Variants in SCNN1A observed in about 807,000 individuals in gnomAD.
SCNN1A encodes sodium channel epithelial 1 subunit alpha, also known as epithelial sodium channel subunit alpha.
Under a neutral mutation model 68.6 loss-of-function variants are expected in SCNN1A, and 65 were observed. The observed-to-expected ratio is 0.95, with a 90% CI of 0.78 to 1.16. SCNN1A has a LOEUF of 1.16. SCNN1A is among the 50% of genes most tolerant of loss of function. SCNN1A has a pLI of 0.00. For synonymous variants in SCNN1A, 357 were observed against 353.3 expected (o/e 1.01, Z -0.12); for missense variants, 880 against 865.9 (o/e 1.02, Z -0.20).
chr12:6,348,271 C>T lies in SCNN1A; in HGVS notation c.1630-18G>A. On this transcript the variant is annotated intron_variant, in intron 12 of 12. Coordinates refer to ENST00000228916, the MANE Select transcript of SCNN1A (RefSeq NM_001038.6). ...GTGACCATCTGTGAGAGGAGAGGTACATTGACGATGGGACAGAGGGTTCTG... is the reference window on the plus strand; with the variant it reads ...GTGACCATCTGTGAGAGGAGAGGTATATTGACGATGGGACAGAGGGTTCTG... The T allele has an allele frequency of 6.2e-7, 1 of 1,613,816 alleles. No homozygotes were observed. The highest frequency in any genetic ancestry group is 8.5e-7 in the Non-Finnish European group (1 of 1,179,960).
chr12:6,375,966 G>A, upstream of SCNN1A: 1 of 1,030,128 alleles, frequency 9.7e-7, no homozygotes, highest in Non-Finnish European at 1.2e-6. Flanking sequence ...GTAGAGGCAG[G>A]TGGGGGGCAG....
intron 1 of SCNN1A, chr12:6,375,082 C>T (rs1247832543): frequency 2.0e-6 from 3 of 1,520,112 alleles, no homozygotes; most frequent in African/African-American, 1.4e-5. Context: ...AACGGCCTCT[C>T]CTCTGCTTCC....
upstream of SCNN1A, chr12:6,376,290 G>A (rs1346964034): frequency 1.8e-6 from 1 of 563,594 alleles, no homozygotes; most frequent in African/African-American, 2.0e-5. Flanking sequence ...GAGGGGCCCA[G>A]GTGAAGCTGG....
chr12:6,363,395 A>G (rs1948614869), intron 3 of SCNN1A, 48 bp downstream of exon 3: 7 of 1,451,888 alleles, frequency 4.8e-6, no homozygotes, highest in Non-Finnish European at 6.4e-6. Context: ...GGGCGGGGCC[A>G]GGGGCCGGCG....
rs755217190 is a variant in SCNN1A at position 6,355,857 on chromosome 12, G to A, written c.899C>T (p.Pro300Leu). Residue 300 changes from proline to leucine, a missense_variant, in exon 5 of 13, where the codon CCG becomes CTG. Pro to Leu is a moderately conservative substitution (Grantham distance 98). Transcript: ENST00000228916. Reference protein sequence around the residue: ...NQANYSHFHHPMYGNCYTFND... With the variant: ...NQANYSHFHHLMYGNCYTFND... The stretch of plus-strand genomic sequence containing the variant: ...GAAAGTATAGCAGTTTCCATACATC[G>A]GGTGGTGGAAGTGAGAGTAATTCCT... 52 of 1,611,952 alleles carry A rather than the reference G, an allele frequency of 3.2e-5. No homozygotes were observed. Among genetic ancestry groups the A allele is most frequent in the South Asian group, 1.6e-4 (15 of 91,034 alleles).
intron 4 of SCNN1A, among the ~76,000 whole-genome samples, chr12:6,358,985 C>A (rs1335023920): frequency 1.3e-5 from 2 of 151,928 alleles, no homozygotes; most frequent in Non-Finnish European, 2.9e-5. Flanking sequence ...ATGAAAGAGG[C>A]CACTCACAAA....
At position 6,348,489 on chromosome 12, in the gene SCNN1A, C is replaced by A. The variant is rs117001960; in HGVS notation, c.1630-236G>T. 2.4e-3 allele frequency among the ~76,000 whole-genome samples: 355 copies of A among 148,032 alleles called. 4 individuals carry two copies. Among genetic ancestry groups the A allele is most frequent in the Middle Eastern group, 6.8e-3 (2 of 294 alleles). On this transcript the variant is annotated intron_variant, in intron 12 of 12. Coordinates refer to ENST00000228916, the MANE Select transcript of SCNN1A (RefSeq NM_001038.6). ...AGCTGAAATGGGGGCATGGGTCAAG[C>A]GCCTTCACCCCAGCATCTAGCATGC...
At chr12:6,375,749 G>T, upstream of SCNN1A, 1 of 1,412,112 alleles carries the variant, frequency 7.1e-7, no homozygotes, top group Non-Finnish European at 9.2e-7. Context: ...GGAGGCTGGG[G>T]GACAGGATGG....
chr12:6,349,257 A>C (rs1241394759), intron 9 of SCNN1A, 36 bp from the exon 10 acceptor site: 1 of 1,613,772 alleles, frequency 6.2e-7, no homozygotes, highest in Non-Finnish European at 8.5e-7. Flanking sequence ...GTTGGGGCAG[A>C]GCTCTCCCAA....
rs932140772 is a variant in SCNN1A, at chr12:6,374,307, A to G, written c.416+61T>C. 29 of 1,575,906 alleles carry G rather than the reference A, an allele frequency of 1.8e-5. No individual in the cohort carries two copies. Among genetic ancestry groups the G allele is most frequent in the Non-Finnish European group, 2.4e-5 (28 of 1,154,058 alleles). The stretch of plus-strand genomic sequence containing the variant: ...GCTCTGCCTGCCCAGTGAGCACCTC[A>G]GCACCCTGGACCACCCTTCCAGGCG... On this transcript the variant is annotated intron_variant, in intron 2 of 12. Coordinates refer to ENST00000228916, the MANE Select transcript of SCNN1A (RefSeq NM_001038.6). The surrounding 1 kb of genome is among the most constrained non-coding windows in gnomAD (Gnocchi z 6.2).
At chr12:6,359,121 G>C (rs1033572510) in intron 4 of SCNN1A, among the ~76,000 whole-genome samples, 1 of 152,084 alleles carries the variant, frequency 6.6e-6, no homozygotes, top group African/African-American at 2.4e-5. Context: ...ACTGCTAATG[G>C]GTACAGGGTT....
chr12:6,359,655 G>A (rs1049052303), intron 4 of SCNN1A, among the ~76,000 whole-genome samples: 11 of 151,830 alleles, frequency 7.2e-5, no homozygotes, highest in African/African-American at 2.7e-4. Context: ...AAAGTTTCCT[G>A]AGGCCTCCCC....
chr12:6,348,757 G>A lies in SCNN1A; in HGVS notation c.1599C>T (p.Tyr533=), dbSNP rs374460984. 3 of 1,613,656 alleles carry A rather than the reference G, an allele frequency of 1.9e-6. No individual in the cohort carries two copies. The highest frequency in any genetic ancestry group is 2.5e-6 in the Non-Finnish European group (3 of 1,179,938). Residue 533 remains tyrosine (Y), a synonymous_variant, in exon 12 of 13, where the codon TAC becomes TAT. Transcript: ENST00000228916. The part of the protein sequence containing the change: ...KVNIFFKELN[Y]KTNSESPSVT... ...CAGAGGGAGACTCAGAATTGGTTTTGTAGTTCAGCTCCTTGAAGAAGATGT... is the reference window on the plus strand; with the variant it reads ...CAGAGGGAGACTCAGAATTGGTTTTATAGTTCAGCTCCTTGAAGAAGATGT...
At chr12:6,349,638 T>C (rs978264116) in intron 8 of SCNN1A, among the ~76,000 whole-genome samples, 1 of 151,188 alleles carries the variant, frequency 6.6e-6, no homozygotes, top group Non-Finnish European at 1.5e-5. Context: ...AGGCCAGGAG[T>C]TCAAGGTTGC....
At chr12:6,356,577 C>A (rs1948501437) in intron 4 of SCNN1A, among the ~76,000 whole-genome samples, 1 of 152,154 alleles carries the variant, frequency 6.6e-6, no homozygotes, top group South Asian at 2.1e-4. Context: ...CCTCTTGCAT[C>A]AGTATGTCTC....
intron 4 of SCNN1A, among the ~76,000 whole-genome samples, chr12:6,358,061 C>G (rs574787701): frequency 4.6e-5 from 7 of 152,206 alleles, no homozygotes; most frequent in Admixed American, 1.3e-4. Flanking sequence ...TCCTGGGGCT[C>G]TAACAAGTAT....
intron 3 of SCNN1A, among the ~76,000 whole-genome samples, chr12:6,363,219 C>T (rs1948609998): frequency 6.6e-6 from 1 of 151,894 alleles, no homozygotes; most frequent in African/African-American, 2.4e-5. Flanking sequence ...CTACATAGGA[C>T]CCCAGGGAGG....
upstream of SCNN1A, chr12:6,375,884 C>A: frequency 7.9e-7 from 1 of 1,258,402 alleles, no homozygotes; most frequent in Non-Finnish European, 1.0e-6. Flanking sequence ...GACAGGAGGG[C>A]AGAAAGAGGG....
intron 12 of SCNN1A, among the ~76,000 whole-genome samples, 188 bp from the exon 13 acceptor site, chr12:6,348,441 A>T (rs1948303634): frequency 1.3e-5 from 2 of 150,098 alleles, no homozygotes; most frequent in Non-Finnish European, 3.0e-5. Context: ...GAGAAAACTG[A>T]TAACTGGCCC....
Sources: allele counts gnomAD v4.1 joint callset (sites outside exome capture counted in the v4.1 genomes callset), GRCh38; gene constraint gnomAD v4.1.1; non-coding constraint Gnocchi (gnomAD v3.1); transcripts MANE v1.5; gene names NCBI Gene and HGNC (gene_info 2026-07-23, HGNC 2026-07-21).